Variants in OTOA observed in about 807,000 individuals in gnomAD.
OTOA encodes cancer/testis antigen 108.
In OTOA, 70 loss-of-function variants were observed where a neutral mutation model predicts 110.8. That is an observed-to-expected ratio of 0.63 (90% CI 0.52 to 0.77). OTOA has a LOEUF of 0.77. OTOA is among the 30% of genes least tolerant of loss of function. The pLI, the probability that OTOA is intolerant of heterozygous loss-of-function variation, is 0.00. For missense variants in OTOA, 917 were observed against 1,075.8 expected (o/e 0.85, Z 2.06); for synonymous variants, 373 against 431.5 (o/e 0.86, Z 1.68).
chr16:21,728,878 C>T (rs560575224), intron 20 of OTOA, among the ~76,000 whole-genome samples: 14 of 152,032 alleles, frequency 9.2e-5, no homozygotes, highest in South Asian at 2.1e-4. Context: ...TGAGTCACCG[C>T]GCCTGGCCTT....
chr16:21,689,889 T>C (rs1897794203), intron 8 of OTOA, among the ~76,000 whole-genome samples: 1 of 152,110 alleles, frequency 6.6e-6, no homozygotes, highest in African/African-American at 2.4e-5. Flanking sequence ...TTTCATCATA[T>C]TGGTCAGGCT....
chr16:21,667,807 A>G (rs999545203), intron 1 of OTOA, among the ~76,000 whole-genome samples: 5 of 152,164 alleles, frequency 3.3e-5, no homozygotes, highest in Admixed American at 3.3e-4. Context: ...AACTTTATTT[A>G]TAGACACTTA....
chr16:21,678,832 G>C, intron 2 of OTOA, 83 bp from the exon 3 acceptor site: 2 of 1,525,988 alleles, frequency 1.3e-6, no homozygotes, highest in South Asian at 2.2e-5. Context: ...GTGGCTTTCT[G>C]GGGCTTTTCC....
At chr16:21,703,370 A>G (rs1597823402) in intron 11 of OTOA, among the ~76,000 whole-genome samples, 1 of 152,264 alleles carries the variant, frequency 6.6e-6, no homozygotes, top group East Asian at 1.9e-4. Flanking sequence ...GAGGTCATAC[A>G]GTATTTGTCT....
chr16:21,725,259 G>A (rs1898877296), intron 18 of OTOA, among the ~76,000 whole-genome samples: 1 of 152,046 alleles, frequency 6.6e-6, no homozygotes, highest in Admixed American at 6.6e-5. Flanking sequence ...CAGTGGTACT[G>A]GGAATGGAGA....
At chr16:21,703,117 G>A (rs923797113) in intron 11 of OTOA, among the ~76,000 whole-genome samples, 13 of 151,434 alleles carry the variant, frequency 8.6e-5, no homozygotes, top group South Asian at 2.1e-4. Flanking sequence ...CTTTTTTTGC[G>A]GTGAGAACAC....
chr16:21,699,360 C>T (rs1339930328), intron 10 of OTOA, among the ~76,000 whole-genome samples: 1 of 152,192 alleles, frequency 6.6e-6, no homozygotes, highest in African/African-American at 2.4e-5. Flanking sequence ...AATGTGCCGG[C>T]TGCCGTGGCC....
intron 9 of OTOA, 150 bp downstream of exon 9, chr16:21,691,837 G>A (rs1567370467): frequency 2.9e-6 from 2 of 689,924 alleles, no homozygotes; most frequent in Non-Finnish European, 5.1e-6. Context: ...TGTGGCTTAT[G>A]GAGTAAAACA....
Position 21,664,106 on chromosome 16 carries a change from G to C in OTOA, c.-131G>C, listed in dbSNP as rs552202312. 3.9e-5 allele frequency: 6 copies of C among 152,258 alleles called. No homozygotes were observed. The highest frequency in any genetic ancestry group is 1.4e-4 in the African/African-American group (6 of 41,542). The allele number at this position is 152,258 out of a possible 1,614,324, so 9.4% of individuals were successfully genotyped here. A position where few individuals can be genotyped will look rare whatever the true frequency, so the allele number is the denominator to read the frequency against. The stretch of plus-strand genomic sequence containing the variant: ...CCTGGGCCGCTGCAGGGAGGAGGTC[G>C]CAGAGCTGCCGGCTGGCGCCGCCCC... On this transcript the variant is annotated 5_prime_UTR_variant, in exon 1 of 29. Coordinates refer to ENST00000646100, the MANE Select transcript of OTOA (RefSeq NM_144672.4).
chr16:21,725,738 T>C (rs933286155), intron 18 of OTOA, among the ~76,000 whole-genome samples: 1 of 152,156 alleles, frequency 6.6e-6, no homozygotes. Context: ...TGGGGTTGAG[T>C]AGGCCGGATG....
intron 11 of OTOA, among the ~76,000 whole-genome samples, chr16:21,704,645 G>A (rs1267145201): frequency 6.6e-6 from 1 of 152,140 alleles, no homozygotes; most frequent in Non-Finnish European, 1.5e-5. Context: ...TCAGCGCTCT[G>A]TTATGGAACC....
chr16:21,695,909 T>TG (rs1897930576), intron 9 of OTOA, among the ~76,000 whole-genome samples: 2 of 131,294 alleles, frequency 1.5e-5, no homozygotes, highest in South Asian at 4.8e-4. Flanking sequence ...TTTTTTTTTT[T>TG]TCTGAGATGG....
At chr16:21,714,330 TTC>T (rs1184821570) in intron 13 of OTOA, among the ~76,000 whole-genome samples, 135 of 136,782 alleles carry the variant, frequency 9.9e-4, no homozygotes, top group African/African-American at 3.2e-3. Context: ...CCTTCCTTCC[TTC>T]CTTTCTTTCT....
intron 13 of OTOA, 112 bp from the exon 14 acceptor site, chr16:21,714,873 G>A: frequency 7.1e-7 from 1 of 1,399,382 alleles, no homozygotes; most frequent in South Asian, 1.2e-5. Flanking sequence ...GCTCACTGCT[G>A]TGCCCCTAAG....
intron 8 of OTOA, among the ~76,000 whole-genome samples, chr16:21,691,275 T>TA (rs1897824472): frequency 6.6e-6 from 1 of 152,112 alleles, no homozygotes; most frequent in Non-Finnish European, 1.5e-5. Context: ...ACAATAAACA[T>TA]ACGTGTGCAT....
In OTOA at chr16:21,681,720, G is replaced by A. The variant is rs1056826783; in HGVS notation, c.180-18G>A. The A allele has an allele frequency of 3.9e-5, 63 of 1,600,208 alleles. No homozygotes were observed. The highest frequency in any genetic ancestry group is 5.1e-5 in the Non-Finnish European group (59 of 1,167,616). On this transcript the variant is annotated intron_variant, in intron 5 of 28. Coordinates refer to ENST00000646100, the MANE Select transcript of OTOA (RefSeq NM_144672.4). ...GAATCTGTCATTGTGATCTTTTCCT[G>A]TCTGTCTTCAACTGAAGCTCCCACG...
At chr16:21,732,749 T>G (rs466460) in intron 21 of OTOA, among the ~76,000 whole-genome samples, 16,304 of 141,988 alleles carry the variant, frequency 0.11, 1,378 homozygotes, top group East Asian at 0.23. Flanking sequence ...TGAATTAATT[T>G]AAAGCAAATG....
intron 1 of OTOA, among the ~76,000 whole-genome samples, chr16:21,664,866 G>A (rs1196001934): frequency 2.0e-5 from 3 of 152,108 alleles, no homozygotes; most frequent in South Asian, 2.1e-4. Context: ...CAGCTACTCC[G>A]GAGGCTGAGG....
In OTOA at chr16:21,697,630, T is replaced by G. The variant is rs146131432; in HGVS notation, c.740-145T>G. ...CTAGGCAACAGAGTGAGATTCTGTCTCAAAAAACCCCGAAAAACAAAATAA... is the reference window on the plus strand; with the variant it reads ...CTAGGCAACAGAGTGAGATTCTGTCGCAAAAAACCCCGAAAAACAAAATAA... On this transcript the variant is annotated intron_variant, in intron 9 of 28. Transcript: ENST00000646100. 3.5e-4 allele frequency: 266 copies of G among 760,130 alleles called. 6 individuals carry two copies. In the East Asian group the frequency reaches 6.8e-3, roughly 20 times the overall value. 47.1% of individuals were successfully genotyped at this position (760,130 alleles called of 1,614,324 possible).
Sources: allele counts gnomAD v4.1 joint callset (sites outside exome capture counted in the v4.1 genomes callset), GRCh38; gene constraint gnomAD v4.1.1; transcripts MANE v1.5; gene names NCBI Gene and HGNC (gene_info 2026-07-23, HGNC 2026-07-21).